Variants in NFIB observed in about 807,000 individuals in gnomAD.
NFIB encodes the protein nuclear factor 1 B-type.
A neutral mutation model predicts 61.5 loss-of-function variants in NFIB; 11 were observed. The ratio of observed to expected loss-of-function variants is 0.18; its 90% CI spans 0.11 to 0.30. The LOEUF is 0.30. Among genes scored for constraint, NFIB ranks in the 10% least tolerant of loss-of-function variants. The pLI, the probability that NFIB is intolerant of heterozygous loss-of-function variation, is 1.00. For synonymous variants in NFIB, 260 were observed against 216.5 expected, an observed-to-expected ratio of 1.20 and a Z score of -1.76; for missense variants, 471 against 608.9, an observed-to-expected ratio of 0.77 and a Z score of 2.38.
the NFIB span, among the ~76,000 whole-genome samples, chr9:14,515,199 T>C: frequency 6.6e-6 from 1 of 151,824 alleles, no homozygotes; most frequent in African/African-American, 2.4e-5. Context: ...TGGGAAGCTA[T>C]CGCTAAGGTA....
At chr9:14,388,367 AGAAG>A (rs55755915) in intron 1 of NFIB, among the ~76,000 whole-genome samples, 5,651 of 131,414 alleles carry the variant, frequency 0.043, 174 homozygotes, top group Middle Eastern at 0.071. Context: ...AGAGAAAGAA[AGAAG>A]GAAGGAAGGA....
intron 3 of NFIB, among the ~76,000 whole-genome samples, chr9:14,171,815 A>G (rs2045593328): frequency 6.6e-6 from 1 of 152,228 alleles, no homozygotes; most frequent in Non-Finnish European, 1.5e-5. Flanking sequence ...GTAGTTGGAC[A>G]CATAGGTCTA....
At chr9:14,147,785 G>A (rs1402753607) in intron 5 of NFIB, among the ~76,000 whole-genome samples, 8 of 151,632 alleles carry the variant, frequency 5.3e-5, no homozygotes. Context: ...TGAACTATAG[G>A]TGCCTGTCAC....
At chr9:14,191,103 G>A (rs1316167738) in intron 2 of NFIB, among the ~76,000 whole-genome samples, 1 of 152,094 alleles carries the variant, frequency 6.6e-6, no homozygotes, top group East Asian at 1.9e-4. Context: ...TGAAGTGGGA[G>A]GATCACCTGA....
the NFIB span, among the ~76,000 whole-genome samples, chr9:14,496,836 C>T: frequency 6.6e-6 from 1 of 152,196 alleles, no homozygotes; most frequent in Non-Finnish European, 1.5e-5. Context: ...AAAATACTAG[C>T]CATTGCATTT....
chr9:14,208,081 C>A (rs976421454), intron 2 of NFIB, among the ~76,000 whole-genome samples: 3 of 152,202 alleles, frequency 2.0e-5, no homozygotes, highest in African/African-American at 7.2e-5. Context: ...TCACTTCCCA[C>A]TCCCTAAATA....
At chr9:14,319,544 C>A (rs1369362865) in intron 1 of NFIB, among the ~76,000 whole-genome samples, 1 of 152,228 alleles carries the variant, frequency 6.6e-6, no homozygotes, top group African/African-American at 2.4e-5. Flanking sequence ...GCAGTTATTG[C>A]TCTTTTTCAA....
At chr9:14,289,349 G>A (rs979711641) in intron 2 of NFIB, among the ~76,000 whole-genome samples, 1 of 151,002 alleles carries the variant, frequency 6.6e-6, no homozygotes, top group Non-Finnish European at 1.5e-5. Context: ...AGAGAACAAG[G>A]GGAAAAGAAG....
chr9:14,364,498 T>G (rs1228937730), intron 1 of NFIB, among the ~76,000 whole-genome samples: 2 of 152,214 alleles, frequency 1.3e-5, no homozygotes, highest in African/African-American at 2.4e-5. Flanking sequence ...AATGTGTTAG[T>G]GAGAAAATAC....
intron 2 of NFIB, among the ~76,000 whole-genome samples, chr9:14,282,828 T>C (rs545643703): frequency 2.0e-5 from 3 of 152,328 alleles, no homozygotes; most frequent in African/African-American, 7.2e-5. Context: ...TGGGTTCAAA[T>C]ACTTGTTCCT....
chr9:14,304,357 T>G (rs1464055380), intron 2 of NFIB, among the ~76,000 whole-genome samples: 2 of 152,242 alleles, frequency 1.3e-5, no homozygotes, highest in African/African-American at 4.8e-5. Context: ...AGAGATGCAG[T>G]GTGTGATCTT....
At position 14,143,048 on chromosome 9, in the gene NFIB, G is replaced by T. The variant is rs73411924; in HGVS notation, c.925+3641C>A. 1.9e-3 allele frequency among the ~76,000 whole-genome samples: 296 copies of T among 152,038 alleles called. 1 individual carries two copies. The highest frequency in any genetic ancestry group is 6.7e-3 in the African/African-American group (280 of 41,488). ...TAATTTTCATCACTATTCATCAGAA[G>T]AAGCAAATTATATAGCCCCCTACCA... On this transcript the variant is annotated intron_variant, in intron 6 of 10. Transcript: ENST00000380953.
chr9:14,463,818 G>C, the NFIB span, among the ~76,000 whole-genome samples: 1 of 151,948 alleles, frequency 6.6e-6, no homozygotes, highest in Non-Finnish European at 1.5e-5. Context: ...CCGCCACCAA[G>C]CCCGGCTAAT....
intron 2 of NFIB, among the ~76,000 whole-genome samples, chr9:14,183,904 T>C (rs1185384191): frequency 6.6e-6 from 1 of 150,868 alleles, no homozygotes; most frequent in East Asian, 1.9e-4. Context: ...TTTATTCTTC[T>C]AAAAAAAAAG....
chr9:14,319,221 G>GTCTA (rs1352065558), intron 1 of NFIB, among the ~76,000 whole-genome samples: 3 of 150,496 alleles, frequency 2.0e-5, no homozygotes, highest in Non-Finnish European at 4.4e-5. Flanking sequence ...CACTAAGTGT[G>GTCTA]TCTACATTTC....
chr9:14,353,709 T>C (rs1588356218), intron 1 of NFIB, among the ~76,000 whole-genome samples: 1 of 152,102 alleles, frequency 6.6e-6, no homozygotes, highest in African/African-American at 2.4e-5. Context: ...CCGCAGGCGG[T>C]GAGACCCGGG....
chr9:14,388,188 T>C (rs1035828085), intron 1 of NFIB, among the ~76,000 whole-genome samples: 2 of 152,036 alleles, frequency 1.3e-5, no homozygotes, highest in Non-Finnish European at 2.9e-5. Flanking sequence ...CAAGGATGAG[T>C]TGCAAAAGCA....
At chr9:14,231,881 AAAGC>A (rs1177165571) in intron 2 of NFIB, among the ~76,000 whole-genome samples, 2 of 152,212 alleles carry the variant, frequency 1.3e-5, no homozygotes, top group Non-Finnish European at 2.9e-5. Flanking sequence ...TGGGTTAACA[AAAGC>A]AAGGAGGAAA....
the NFIB span, among the ~76,000 whole-genome samples, chr9:14,450,021 C>T: frequency 2.0e-5 from 3 of 151,952 alleles, no homozygotes; most frequent in Admixed American, 6.6e-5. Flanking sequence ...TCACAATGTG[C>T]AGGTTTGTTA....
Sources: allele counts gnomAD v4.1 joint callset (sites outside exome capture counted in the v4.1 genomes callset), GRCh38; gene constraint gnomAD v4.1.1; transcripts MANE v1.5; gene names NCBI Gene and HGNC (gene_info 2026-07-23, HGNC 2026-07-21).